Variants in TGS1 observed in about 807,000 individuals in gnomAD.
TGS1 encodes the protein trimethylguanosine synthase 1, also known as trimethylguanosine synthase.
In TGS1, 69 loss-of-function variants were observed where a neutral mutation model predicts 92.2. The ratio of observed to expected loss-of-function variants is 0.75; its 90% confidence interval spans 0.62 to 0.91. The LOEUF is 0.91. TGS1 is among the 40% of genes least tolerant of loss of function. The probability of loss-of-function intolerance (pLI) is 0.00; values close to 1 mark genes in which losing one functional copy is unlikely to be tolerated. For missense variants in TGS1, 1,062 were observed against 1,001.2 expected, an observed-to-expected ratio of 1.06 and a Z score of -0.82; for synonymous variants, 345 against 338.1, an observed-to-expected ratio of 1.02 and a Z score of -0.22.
chr8:55,777,902 ATTTT>A (rs56285134), intron 1 of TGS1, among the ~76,000 whole-genome samples: 11,445 of 150,552 alleles, frequency 0.076, 586 homozygotes, highest in African/African-American at 0.15. Flanking sequence ...AATAATTTAA[ATTTT>A]TTTTTTTTTT....
intron 5 of TGS1, among the ~76,000 whole-genome samples, chr8:55,790,709 G>A (rs563913791): frequency 1.3e-5 from 2 of 152,192 alleles, no homozygotes. Flanking sequence ...TATAGAGACA[G>A]GGTCTCGCTA....
chr8:55,809,050 G>C (rs944798924), intron 10 of TGS1, among the ~76,000 whole-genome samples: 1 of 152,142 alleles, frequency 6.6e-6, no homozygotes, highest in Non-Finnish European at 1.5e-5. Context: ...CATAATGTAT[G>C]TTCATGTGTG....
chr8:55,806,843 T>C (rs1480301026), intron 10 of TGS1, among the ~76,000 whole-genome samples: 2 of 152,156 alleles, frequency 1.3e-5, no homozygotes, highest in African/African-American at 4.8e-5. Context: ...CAGGAGAGTA[T>C]TGAACAGTGG....
At chr8:55,794,167 G>A (rs1811972606) in intron 6 of TGS1, among the ~76,000 whole-genome samples, 1 of 152,142 alleles carries the variant, frequency 6.6e-6, no homozygotes, top group African/African-American at 2.4e-5. Context: ...ACATGTGCCT[G>A]CCTGCCTTCC....
chr8:55,785,955 A>G (rs1433678574), intron 3 of TGS1, 64 bp downstream of exon 3: 17 of 1,357,446 alleles, frequency 1.3e-5, no homozygotes, highest in Non-Finnish European at 1.7e-5. Context: ...ATCGCAAGGA[A>G]TTACTTTTTA....
chr8:55,810,045 G>A (rs927896632), intron 10 of TGS1, among the ~76,000 whole-genome samples: 5 of 152,158 alleles, frequency 3.3e-5, no homozygotes, highest in Admixed American at 2.6e-4. Flanking sequence ...TATATTTATT[G>A]TTCAAGTGAT....
intron 12 of TGS1, among the ~76,000 whole-genome samples, chr8:55,817,166 A>G (rs1030257473): frequency 5.3e-5 from 8 of 152,166 alleles, no homozygotes; most frequent in Non-Finnish European, 1.2e-4. Flanking sequence ...CCTGGCCCTC[A>G]TCTCTCCTTA....
Position 55,825,153 on chromosome 8 carries a change from C to T in TGS1, c.*450C>T, listed in dbSNP as rs1328775218. The T allele has an allele frequency of 6.5e-6, 1 of 153,996 alleles. No individual in the cohort carries two copies. The highest frequency in any genetic ancestry group is 1.9e-4 in the East Asian group (1 of 5,262). 9.5% of individuals were successfully genotyped at this position (153,996 alleles called of 1,614,324 possible). A position where few individuals can be genotyped will look rare whatever the true frequency, so the allele number is the denominator to read the frequency against. On this transcript the variant is annotated 3_prime_UTR_variant, in exon 13 of 13. Transcript: ENST00000260129. ...CCCAGGCTGGTGTCAAACTCCTGGGCTCAGTCAGTCCCCCCATCTCACCCT... is the reference window on the plus strand; with the variant it reads ...CCCAGGCTGGTGTCAAACTCCTGGGTTCAGTCAGTCCCCCCATCTCACCCT...
intron 12 of TGS1, among the ~76,000 whole-genome samples, chr8:55,820,199 T>C (rs1266085609): frequency 1.3e-5 from 2 of 152,318 alleles, no homozygotes; most frequent in East Asian, 3.9e-4. Flanking sequence ...GGAGGTTATT[T>C]TCTCTCATTC....
chr8:55,811,192 G>GC, intron 11 of TGS1, 95 bp downstream of exon 11: 2 of 410,982 alleles, frequency 4.9e-6, no homozygotes, highest in East Asian at 6.0e-5. Flanking sequence ...GGTGGGCAGG[G>GC]TGGCTCACAT....
chr8:55,790,690 A>T (rs561692181), intron 5 of TGS1, among the ~76,000 whole-genome samples: 1 of 148,980 alleles, frequency 6.7e-6, no homozygotes, highest in African/African-American at 2.4e-5. Context: ...TTAATTTTTT[A>T]AAATTTTTTA....
chr8:55,782,623 AT>A, intron 1 of TGS1, 124 bp from the exon 2 acceptor site: 1 of 651,306 alleles, frequency 1.5e-6, no homozygotes, highest in Non-Finnish European at 2.6e-6. Context: ...AGGGAAATGT[AT>A]TAGCAGATTG....
At chr8:55,808,034 G>A (rs1210089803) in intron 10 of TGS1, among the ~76,000 whole-genome samples, 5 of 152,116 alleles carry the variant, frequency 3.3e-5, no homozygotes, top group East Asian at 1.9e-4. Flanking sequence ...GTCCTTGCTC[G>A]GTCTAGTCAG....
At position 55,822,653 on chromosome 8, in the gene TGS1, T is replaced by C. The variant is rs116324860; in HGVS notation, c.2440-1928T>C. Among the ~76,000 whole-genome samples the C allele has an allele frequency of 5.1e-3, 783 of 152,204 alleles. 8 individuals are homozygous for C. The highest frequency in any genetic ancestry group is 0.017 in the African/African-American group (721 of 41,512). On this transcript the variant is annotated intron_variant, in intron 12 of 12. Transcript: ENST00000260129. The stretch of plus-strand genomic sequence containing the variant: ...CTAATAATTGCTACTCTGAGACTAC[T>C]TTGCTATTTTTAAATTTCTAGTTTT...
chr8:55,791,863 A>G (rs561917912), intron 5 of TGS1, among the ~76,000 whole-genome samples: 2 of 152,242 alleles, frequency 1.3e-5, no homozygotes, highest in Non-Finnish European at 2.9e-5. Context: ...GGTGGGATGT[A>G]GTCAGATGCT....
At chr8:55,795,834 C>T (rs1380246836) in intron 6 of TGS1, 144 bp from the exon 7 acceptor site, 1 of 702,710 alleles carries the variant, frequency 1.4e-6, no homozygotes, top group Non-Finnish European at 2.4e-6. Flanking sequence ...GCAAGTTGAA[C>T]TTGATTTTAT....
Position 55,802,553 on chromosome 8 carries a change from C to T in TGS1, c.1946C>T (p.Ala649Val). The change falls in exon 9 of 13, where the codon GCC becomes GTC. Residue 649 changes from alanine to valine, a missense_variant. Ala to Val is a moderately conservative substitution (Grantham distance 64, BLOSUM62 0). Coordinates refer to ENST00000260129, the MANE Select transcript of TGS1 (RefSeq NM_024831.8). ...GTTCCTGAGCTGGCAAAATACTGGG[C>T]CCAGAGGTACAGGCTCTTCTCCCGT... ...AAVPELAKYW[A>V]QRYRLFSRFD... 6.2e-7 allele frequency: 1 copy of T among 1,614,020 alleles called. No individual in the cohort carries two copies. The highest frequency in any genetic ancestry group is 8.5e-7 in the Non-Finnish European group (1 of 1,179,978).
intron 3 of TGS1, 33 bp from the exon 4 acceptor site, chr8:55,786,205 G>T: frequency 1.8e-6 from 2 of 1,097,680 alleles, no homozygotes; most frequent in Non-Finnish European, 2.6e-6. Flanking sequence ...TTCATAAAGT[G>T]CATTTTATAT....
intron 11 of TGS1, 70 bp downstream of exon 11, chr8:55,811,167 GA>G: frequency 3.6e-6 from 3 of 837,996 alleles, no homozygotes; most frequent in Non-Finnish European, 5.5e-6. Context: ...GAGAGTGAGA[GA>G]GGGAGTGTGG....
Sources: gnomAD v4.1 joint callset for allele counts (sites outside exome capture counted in the v4.1 genomes callset) on GRCh38, gnomAD v4.1.1 for gene constraint, MANE v1.5 for transcripts, NCBI Gene and HGNC (gene_info 2026-07-23, HGNC 2026-07-21) for gene names.